Variants in TENM3 observed in about 807,000 individuals in gnomAD.
The protein encoded by TENM3 is teneurin-3.
Under a neutral mutation model 255.1 loss-of-function variants are expected in TENM3, and 63 were observed. The observed-to-expected ratio is 0.25, with a 90% CI of 0.20 to 0.30. The LOEUF (loss-of-function observed/expected upper bound fraction) is 0.30, where lower values mean the gene tolerates loss of function less well. Ranked by LOEUF, TENM3 falls within the 10% of genes least tolerant of loss-of-function variation. The probability of loss-of-function intolerance (pLI) is 1.00; values close to 1 mark genes in which losing one functional copy is unlikely to be tolerated. For missense variants in TENM3, 2,929 were observed against 3,461.1 expected (o/e 0.85, Z 3.86); for synonymous variants, 1,306 against 1,322.3 (o/e 0.99, Z 0.27).
the TENM3 span, among the ~76,000 whole-genome samples, chr4:182,018,311 C>T: frequency 2.0e-5 from 3 of 152,028 alleles, no homozygotes; most frequent in Non-Finnish European, 4.4e-5. Flanking sequence ...GTCTCACAAG[C>T]GTGTGGGATT....
the TENM3 span, among the ~76,000 whole-genome samples, chr4:181,923,429 C>T: frequency 1.3e-5 from 2 of 152,038 alleles, no homozygotes; most frequent in East Asian, 3.9e-4. Flanking sequence ...GCCCTGTTGC[C>T]TAAAAAGTTC....
At chr4:182,586,266 CA>C (rs1209013417) in intron 3 of TENM3, among the ~76,000 whole-genome samples, 2 of 152,098 alleles carry the variant, frequency 1.3e-5, no homozygotes, top group African/African-American at 2.4e-5. Context: ...CTTAGAGGCA[CA>C]AAAAAGCCTT....
intron 1 of TENM3, among the ~76,000 whole-genome samples, chr4:182,238,188 G>T (rs748490035): frequency 1.3e-5 from 2 of 152,086 alleles, no homozygotes; most frequent in African/African-American, 2.4e-5. Context: ...TTTAGCCTCA[G>T]GATATGTGAG....
the TENM3 span, among the ~76,000 whole-genome samples, chr4:181,788,194 A>G: frequency 2.0e-5 from 3 of 152,162 alleles, no homozygotes; most frequent in Non-Finnish European, 1.5e-5. Flanking sequence ...GCTTAGATCT[A>G]AATCTGAATC....
chr4:181,824,268 A>T, the TENM3 span, among the ~76,000 whole-genome samples: 1 of 145,036 alleles, frequency 6.9e-6, no homozygotes, highest in Non-Finnish European at 1.5e-5. Context: ...CACCTGGCTA[A>T]TTTTTTTTTT....
chr4:181,605,571 AGAGAG>A, the TENM3 span, among the ~76,000 whole-genome samples: 100 of 29,120 alleles, frequency 3.4e-3, 11 homozygotes, highest in East Asian at 5.4e-3. Flanking sequence ...AGAAAGAAAG[AGAGAG>A]AAAGAAAGGA....
the TENM3 span, chr4:181,522,526 T>C: frequency 1.9e-5 from 6 of 312,016 alleles, no homozygotes; most frequent in Non-Finnish European, 3.0e-5. Flanking sequence ...AGGTTAGAAA[T>C]GTAAGGATTT....
At chr4:181,660,105 A>G in the TENM3 span, among the ~76,000 whole-genome samples, 5 of 152,194 alleles carry the variant, frequency 3.3e-5, no homozygotes, top group African/African-American at 1.2e-4. Context: ...TGTAAGCTGT[A>G]TAAACATTTG....
rs2152840540 is a variant in TENM3 at position 182,799,904 on chromosome 4, G to A, written c.7653G>A (p.Lys2551=). 6.2e-7 allele frequency: 1 copy of A among 1,608,280 alleles called. No homozygotes were observed. Among genetic ancestry groups the A allele is most frequent in the South Asian group, 1.1e-5 (1 of 89,788 alleles). ...GCAAGGACACGCACTACTTCATCAA[G>A]ACCACCACGCCCGAGAGCGACCTGG... ...IEGKDTHYFI[K]TTTPESDLGT... The change falls in exon 28 of 28, where the codon AAG becomes AAA. Residue 2551 remains lysine, a synonymous_variant. Coordinates refer to ENST00000511685, the MANE Select transcript of TENM3 (RefSeq NM_001080477.4). This position sits in a 1 kb window ranked among gnomAD's most constrained non-coding sequence, Gnocchi z 4.2.
At chr4:182,648,914 A>G (rs1184000606) in intron 5 of TENM3, among the ~76,000 whole-genome samples, 1 of 152,140 alleles carries the variant, frequency 6.6e-6, no homozygotes, top group Non-Finnish European at 1.5e-5. Context: ...TTCATTCCCT[A>G]ATGCTGCTGT....
At chr4:182,037,820 A>G in the TENM3 span, among the ~76,000 whole-genome samples, 7 of 152,052 alleles carry the variant, frequency 4.6e-5, no homozygotes, top group African/African-American at 1.7e-4. Context: ...GACACTGAGG[A>G]TTTAAGAAAA....
chr4:181,620,518 G>T, the TENM3 span, among the ~76,000 whole-genome samples: 1 of 152,020 alleles, frequency 6.6e-6, no homozygotes, highest in Admixed American at 6.6e-5. Context: ...GACCCACACA[G>T]GTCAGCCCCG....
chr4:182,425,842 T>C (rs1771166290), intron 3 of TENM3, among the ~76,000 whole-genome samples: 1 of 151,894 alleles, frequency 6.6e-6, no homozygotes, highest in African/African-American at 2.4e-5. Flanking sequence ...ACCCTGTCTC[T>C]ACTAAAAACA....
the TENM3 span, among the ~76,000 whole-genome samples, chr4:181,484,512 G>A: frequency 6.6e-6 from 1 of 152,120 alleles, no homozygotes; most frequent in Non-Finnish European, 1.5e-5. Flanking sequence ...GCTGCGGTTA[G>A]ATTGAAATCA....
the TENM3 span, among the ~76,000 whole-genome samples, chr4:181,846,930 G>A: frequency 2.0e-5 from 3 of 152,188 alleles, no homozygotes; most frequent in Non-Finnish European, 4.4e-5. Context: ...GTAAATTGTG[G>A]CAATGGAATT....
At chr4:182,012,010 A>G in the TENM3 span, among the ~76,000 whole-genome samples, 1 of 152,094 alleles carries the variant, frequency 6.6e-6, no homozygotes, top group East Asian at 1.9e-4. Flanking sequence ...GAGGCCCCCA[A>G]CCGACAGCCG....
At chr4:182,728,942 C>T in intron 13 of TENM3, 23 bp from the exon 14 acceptor site, 1 of 1,597,628 alleles carries the variant, frequency 6.3e-7, no homozygotes, top group Non-Finnish European at 8.6e-7. Context: ...AATTCTCTTA[C>T]TGGGGAACAT....
the TENM3 span, among the ~76,000 whole-genome samples, chr4:181,812,769 T>C: frequency 5.3e-5 from 8 of 152,152 alleles, no homozygotes; most frequent in African/African-American, 1.2e-4. Context: ...ATTTCAGGGA[T>C]CCAGAGGAAT....
chr4:182,483,558 G>A (rs1373539157), intron 3 of TENM3, among the ~76,000 whole-genome samples: 1 of 152,164 alleles, frequency 6.6e-6, no homozygotes, highest in African/African-American at 2.4e-5. Flanking sequence ...GGAGCAATGT[G>A]TGATCCCATA....
Sources: allele counts gnomAD v4.1 joint callset (sites outside exome capture counted in the v4.1 genomes callset), GRCh38; gene constraint gnomAD v4.1.1; non-coding constraint Gnocchi (gnomAD v3.1); transcripts MANE v1.5; gene names NCBI Gene and HGNC (gene_info 2026-07-23, HGNC 2026-07-21).